RAPGEF4: variants seen among roughly 807,000 people sequenced by gnomAD.
RAPGEF4 encodes RAP guanine-nucleotide-exchange factor (GEF) 4.
In RAPGEF4, 66 loss-of-function variants were observed where a neutral mutation model predicts 147.9. The ratio of observed to expected loss-of-function variants is 0.45; its 90% CI spans 0.37 to 0.55. The LOEUF (loss-of-function observed/expected upper bound fraction) is 0.55, where lower values mean the gene tolerates loss of function less well. RAPGEF4 is among the 20% of genes least tolerant of loss of function. The pLI is 0.00. For synonymous variants in RAPGEF4, 419 were observed against 442.7 expected, an observed-to-expected ratio of 0.95 and a Z score of 0.67; for missense variants, 1,071 against 1,257.3, an observed-to-expected ratio of 0.85 and a Z score of 2.24.
At chr2:172,942,624 T>C (rs1476562663) in intron 6 of RAPGEF4, among the ~76,000 whole-genome samples, 1 of 151,008 alleles carries the variant, frequency 6.6e-6, no homozygotes, top group Non-Finnish European at 1.5e-5. Flanking sequence ...CTGTAATGTG[T>C]GTTACCAAAG....
At chr2:172,873,397 C>T (rs1288120210) in intron 4 of RAPGEF4, among the ~76,000 whole-genome samples, 1 of 152,158 alleles carries the variant, frequency 6.6e-6, no homozygotes, top group Non-Finnish European at 1.5e-5. Context: ...GACATTTTAA[C>T]TGTCATCCAT....
At chr2:172,967,205 A>T (rs1689934870) in intron 9 of RAPGEF4, 56 bp from the exon 10 acceptor site, 3 of 1,533,634 alleles carry the variant, frequency 2.0e-6, no homozygotes, top group South Asian at 2.5e-5. Flanking sequence ...TTTCTAGTAA[A>T]CGGAGCTGTG....
intron 1 of RAPGEF4, among the ~76,000 whole-genome samples, chr2:172,784,201 A>G (rs1036708187): frequency 6.6e-6 from 1 of 152,140 alleles, no homozygotes; most frequent in Non-Finnish European, 1.5e-5. Flanking sequence ...TGTCATACAG[A>G]TGATACTCAG....
chr2:172,827,230 G>A (rs960793377), intron 4 of RAPGEF4, among the ~76,000 whole-genome samples: 31 of 152,152 alleles, frequency 2.0e-4, no homozygotes, highest in Admixed American at 1.6e-3. Context: ...GCTGAGTCCC[G>A]GCTCTGTTAA....
intron 16 of RAPGEF4, 130 bp from the exon 17 acceptor site, chr2:173,001,136 T>C (rs972415717): frequency 1.5e-6 from 2 of 1,352,226 alleles, no homozygotes; most frequent in Non-Finnish European, 2.0e-6. Flanking sequence ...AGTGCTTCCA[T>C]GTAAAGTAAA....
chr2:173,014,492 G>A lies in RAPGEF4; in HGVS notation c.1687G>A (p.Glu563Lys). ...CCACGCACAGCCTTCACAAGGTACA[G>A]AACAGGAGAAAATGGATTATGCCCT... ...HYHAQPSQGT[E>K]QEKMDYALNN... Residue 563 changes from glutamate to lysine, a missense_variant, in exon 18 of 31, where the codon GAA becomes AAA. Physicochemically the swap from Glu to Lys is moderately conservative, Grantham distance 56. Transcript: ENST00000397081. The A allele has an allele frequency of 6.2e-7, 1 of 1,614,116 alleles. No individual in the cohort carries two copies. The highest frequency in any genetic ancestry group is 1.1e-5 in the South Asian group (1 of 91,058).
chr2:172,899,641 T>C (rs1698859054), intron 4 of RAPGEF4, among the ~76,000 whole-genome samples: 1 of 152,128 alleles, frequency 6.6e-6, no homozygotes, highest in South Asian at 2.1e-4. Flanking sequence ...TGACTTATGA[T>C]GGCATTGAGG....
chr2:173,033,230 C>T (rs1006294368), intron 26 of RAPGEF4, among the ~76,000 whole-genome samples: 6 of 152,032 alleles, frequency 3.9e-5, no homozygotes, highest in African/African-American at 4.8e-5. Flanking sequence ...AAAAGCATGG[C>T]GCATGTGAGA....
chr2:172,747,796 G>T (rs1439334026), intron 1 of RAPGEF4, among the ~76,000 whole-genome samples: 1 of 152,088 alleles, frequency 6.6e-6, no homozygotes, highest in Non-Finnish European at 1.5e-5. Flanking sequence ...CTGAAACTTT[G>T]TACCCCTTGA....
At chr2:173,038,085 A>C (rs867874077) in intron 29 of RAPGEF4, among the ~76,000 whole-genome samples, 1 of 152,146 alleles carries the variant, frequency 6.6e-6, no homozygotes, top group African/African-American at 2.4e-5. Flanking sequence ...ACACGAGTAC[A>C]CACTCCTCAA....
At chr2:172,800,593 G>A (rs1686875856) in intron 3 of RAPGEF4, among the ~76,000 whole-genome samples, 1 of 152,158 alleles carries the variant, frequency 6.6e-6, no homozygotes, top group South Asian at 2.1e-4. Context: ...AGACAGGTTT[G>A]TTTTTAGGAA....
At chr2:172,931,233 G>C (rs1341621330) in intron 6 of RAPGEF4, among the ~76,000 whole-genome samples, 1 of 137,802 alleles carries the variant, frequency 7.3e-6, no homozygotes, top group Non-Finnish European at 1.5e-5. Context: ...TCCAAAACTC[G>C]ACAACGATCT....
intron 1 of RAPGEF4, among the ~76,000 whole-genome samples, chr2:172,752,660 A>G (rs1462064224): frequency 6.6e-6 from 1 of 152,196 alleles, no homozygotes; most frequent in Non-Finnish European, 1.5e-5. Flanking sequence ...AATTACGTAA[A>G]TCATCAGATC....
rs1268020898 is a variant in RAPGEF4 at position 172,917,821 on chromosome 2, C to T, written c.464C>T (p.Ala155Val). 6.2e-7 allele frequency: 1 copy of T among 1,613,408 alleles called. No homozygotes were observed. Among genetic ancestry groups the T allele is most frequent in the Non-Finnish European group, 8.5e-7 (1 of 1,179,494 alleles). ...TTTCAGAAATATCGACAGTATATGG[C>T]AGGACTTCTGGCTCCTCCTTATGGT... is the stretch of plus-strand genomic sequence containing the variant. ...ALWEKYRQYM[A>V]GLLAPPYGVM... The change falls in exon 5 of 31, where the codon GCA (alanine) becomes GTA (valine). Residue 155 changes from alanine to valine, a missense_variant. Ala to Val is a moderately conservative substitution (Grantham distance 64, BLOSUM62 0). Transcript: ENST00000397081.
intron 16 of RAPGEF4, among the ~76,000 whole-genome samples, chr2:173,000,746 CTTTCTTT>C (rs1693823636): frequency 2.7e-5 from 2 of 72,788 alleles, no homozygotes; most frequent in African/African-American, 4.1e-5. Context: ...TCTTTTCTTT[CTTTCTTT>C]TTTTTTTTTT....
intron 4 of RAPGEF4, among the ~76,000 whole-genome samples, chr2:172,828,437 A>G (rs1450867092): frequency 2.0e-5 from 3 of 152,162 alleles, no homozygotes; most frequent in Non-Finnish European, 4.4e-5. Flanking sequence ...TCCCTGTGGA[A>G]GGAGAAGCCC....
intron 17 of RAPGEF4, among the ~76,000 whole-genome samples, chr2:173,010,119 G>A (rs1252165869): frequency 1.3e-5 from 2 of 152,194 alleles, no homozygotes; most frequent in Admixed American, 1.3e-4. Context: ...CCTCTAAGGT[G>A]ATGGAGTTGA....
At chr2:172,869,834 A>C (rs189740240) in intron 4 of RAPGEF4, among the ~76,000 whole-genome samples, 2 of 152,188 alleles carry the variant, frequency 1.3e-5, no homozygotes, top group Non-Finnish European at 2.9e-5. Context: ...ATCTGAGCTC[A>C]GACAATGTAA....
intron 1 of RAPGEF4, among the ~76,000 whole-genome samples, chr2:172,751,499 G>A (rs184628071): frequency 3.1e-4 from 47 of 152,176 alleles, no homozygotes; most frequent in Admixed American, 1.5e-3. Context: ...AGGAACAGAC[G>A]GTAAACAAAT....
Sources: allele counts gnomAD v4.1 joint callset (sites outside exome capture counted in the v4.1 genomes callset), GRCh38; gene constraint gnomAD v4.1.1; transcripts MANE v1.5; gene names NCBI Gene and HGNC (gene_info 2026-07-23, HGNC 2026-07-21).